CDK2: variants seen among roughly 807,000 people sequenced by gnomAD.
The protein encoded by CDK2 is cyclin-dependent kinase 2.
Under a neutral mutation model 35.0 loss-of-function variants are expected in CDK2, and 8 were observed. The ratio of observed to expected loss-of-function variants is 0.23; its 90% confidence interval spans 0.13 to 0.41. CDK2 has a LOEUF of 0.41. Among genes scored for constraint, CDK2 ranks in the 10% least tolerant of loss-of-function variants. The pLI is 1.00. For missense variants in CDK2, 201 were observed against 367.1 expected (o/e 0.55, Z 3.70); for synonymous variants, 134 against 137.7 (o/e 0.97, Z 0.19).
intron 5 of CDK2, among the ~76,000 whole-genome samples, chr12:55,970,441 C>T (rs1889443640): frequency 6.6e-6 from 1 of 151,932 alleles, no homozygotes; most frequent in Admixed American, 6.6e-5. Flanking sequence ...AGGCTGTCTT[C>T]AAATCAGCAA....
In CDK2 at chr12:55,970,562, ATTCCTC is replaced by A. The variant is rs1217147308; in HGVS notation, c.589-480_589-475del. 5.2e-5 allele frequency: 36 copies of A among 695,772 alleles called. No individual in the cohort carries two copies. In the East Asian group the frequency reaches 9.5e-4, roughly 18 times the overall value. The allele number at this position is 695,772 out of a possible 1,614,324, so 43.1% of individuals were successfully genotyped here. ...AGTGCATTACCTTACAATTGTCCGT[ATTCCTC>A]TCTCAATTCATCAAAAAATATTTGT... On this transcript the variant is annotated intron_variant, in intron 5 of 6. Transcript: ENST00000266970.
At position 55,966,962 on chromosome 12, in the gene CDK2, C is replaced by T. The variant is rs1336280185; in HGVS notation, c.-47C>T. The T allele has an allele frequency of 6.8e-7, 1 of 1,477,658 alleles. No individual in the cohort carries two copies. The highest frequency in any genetic ancestry group is 9.3e-7 in the Non-Finnish European group (1 of 1,073,032). 91.5% of individuals were successfully genotyped at this position (1,477,658 alleles called of 1,614,324 possible). On this transcript the variant is annotated 5_prime_UTR_variant, in exon 1 of 7. Coordinates refer to ENST00000266970, the MANE Select transcript of CDK2 (RefSeq NM_001798.5). ...CCAGGGTCCGCCTTCTGCAGGGTTC[C>T]CAGGCCCCCGCTCCAGGGCCGGGCT...
chr12:55,969,436 C>A, intron 4 of CDK2, 39 bp from the exon 5 acceptor site: 1 of 1,195,256 alleles, frequency 8.4e-7, no homozygotes, highest in Non-Finnish European at 1.2e-6. Flanking sequence ...TTTCCATACC[C>A]TATAAACCAC....
Position 55,971,150 on chromosome 12 carries a change from C to T in CDK2, c.695C>T (p.Ser232Phe). Residue 232 changes from serine to phenylalanine, a missense_variant, in exon 6 of 7, where the codon TCT (serine) becomes TTT (phenylalanine). This residue lies in a region of CDK2 where 106 missense variants were observed against 141.3 expected (regional missense o/e 0.75). Transcript: ENST00000266970. ...GAGGTGGTGTGGCCAGGAGTTACTT[C>T]TATGCCTGATTACAAGCCAAGTTTC... The part of the protein sequence containing the change: ...PDEVVWPGVT[S>F]MPDYKPSFPK... The T allele has an allele frequency of 6.2e-7, 1 of 1,614,090 alleles. No homozygotes were observed. Among genetic ancestry groups the T allele is most frequent in the Non-Finnish European group, 8.5e-7 (1 of 1,179,990 alleles).
In CDK2 at chr12:55,966,938, C is replaced by G; in HGVS notation, c.-71C>G. On this transcript the variant is annotated 5_prime_UTR_variant, in exon 1 of 7. Transcript: ENST00000266970. The stretch of plus-strand genomic sequence containing the variant: ...TTCCCCCTCCTCGGCCCCCGAGAGC[C>G]AGGGTCCGCCTTCTGCAGGGTTCCC... The G allele has an allele frequency of 4.7e-6, 6 of 1,282,414 alleles. No homozygotes were observed. Among genetic ancestry groups the G allele is most frequent in the Non-Finnish European group, 6.6e-6 (6 of 905,782 alleles). 79.4% of individuals were successfully genotyped at this position (1,282,414 alleles called of 1,614,324 possible). A position where few individuals can be genotyped will look rare whatever the true frequency, so the allele number is the denominator to read the frequency against.
rs1196369649 is a variant in CDK2 at position 55,971,588 on chromosome 12, A to G, written c.860A>G (p.Gln287Arg). 2.5e-6 allele frequency: 4 copies of G among 1,614,146 alleles called. No homozygotes were observed. The highest frequency in any genetic ancestry group is 2.2e-5 in the East Asian group (1 of 44,882). The part of the protein sequence containing the change: ...AKAALAHPFF[Q>R]DVTKPVPHLR... ...GCAGCCCTGGCTCACCCTTTCTTCCAGGATGTGACCAAGCCAGTACCCCAT... is the reference window on the plus strand; with the variant it reads ...GCAGCCCTGGCTCACCCTTTCTTCCGGGATGTGACCAAGCCAGTACCCCAT... The change falls in exon 7 of 7, where the codon CAG becomes CGG. Residue 287 changes from glutamine to arginine, a missense_variant. Gln to Arg is a conservative substitution (Grantham distance 43, BLOSUM62 1). Transcript: ENST00000266970.
chr12:55,970,624 T>G (rs1477218172), intron 5 of CDK2: 3 of 702,222 alleles, frequency 4.3e-6, no homozygotes, highest in East Asian at 2.7e-5. Flanking sequence ...AGCACCATGC[T>G]AGGTGCTGTG....
Position 55,966,872 on chromosome 12 carries a change from T to G in CDK2, c.-137T>G, listed in dbSNP as rs1889326620. 4.6e-6 allele frequency: 4 copies of G among 866,106 alleles called. No individual in the cohort carries two copies. The highest frequency in any genetic ancestry group is 2.6e-5 in the Admixed American group (1 of 38,266). 53.7% of individuals were successfully genotyped at this position (866,106 alleles called of 1,614,324 possible). A position where few individuals can be genotyped will look rare whatever the true frequency, so the allele number is the denominator to read the frequency against. ...AAATTGACAAGAGCGAGAGGTATAC[T>G]GCGTTCCATCCCGACCCGGGGCCAC... On this transcript the variant is annotated 5_prime_UTR_variant, in exon 1 of 7. Coordinates refer to ENST00000266970, the MANE Select transcript of CDK2 (RefSeq NM_001798.5).
At chr12:55,969,998 TAGGC>T (rs1410537349) in intron 5 of CDK2, 1 of 153,414 alleles carries the variant, frequency 6.5e-6, no homozygotes, top group Non-Finnish European at 1.4e-5. Flanking sequence ...ACTGCAGATT[TAGGC>T]AGGGTGCAGT....
intron 1 of CDK2, 72 bp from the exon 2 acceptor site, chr12:55,967,785 G>A (rs1724645819): frequency 3.8e-6 from 5 of 1,325,278 alleles, no homozygotes; most frequent in Non-Finnish European, 5.4e-6. Flanking sequence ...TTGGGGGAAA[G>A]AAATGACTAG....
Position 55,967,014 on chromosome 12 carries a change from G to A in CDK2, c.6G>A (p.Glu2=), listed in dbSNP as rs1365291483. 23 of 1,611,904 alleles carry A rather than the reference G, an allele frequency of 1.4e-5. No homozygotes were observed. Among genetic ancestry groups the A allele is most frequent in the Non-Finnish European group, 2.0e-5 (23 of 1,179,066 alleles). ...ACCCGACTCGCTGGCGCTTCATGGA[G>A]AACTTCCAAAAGGTGGAAAAGATCG... M[E]NFQKVEKIGE... The change falls in exon 1 of 7, where the codon GAG becomes GAA. Residue 2 remains glutamate (E), a synonymous_variant. Coordinates refer to ENST00000266970, the MANE Select transcript of CDK2 (RefSeq NM_001798.5).
intron 5 of CDK2, among the ~76,000 whole-genome samples, chr12:55,970,288 C>CAAAAAA (rs60371110): frequency 5.5e-4 from 12 of 21,868 alleles, no homozygotes; most frequent in Non-Finnish European, 8.8e-4. Context: ...GATTCCATCT[C>CAAAAAA]AAAAAAAAAA....
intron 5 of CDK2, 186 bp from the exon 6 acceptor site, chr12:55,970,858 G>A: frequency 1.4e-6 from 1 of 705,272 alleles, no homozygotes; most frequent in South Asian, 1.5e-5. Flanking sequence ...GGAAGGAGGG[G>A]GCGAGGAGAC....
At chr12:55,970,288 CAAAAAAAAAAAAAAAAAAAA>C (rs60371110) in intron 5 of CDK2, among the ~76,000 whole-genome samples, 3 of 21,842 alleles carry the variant, frequency 1.4e-4, no homozygotes, top group African/African-American at 2.4e-4. Flanking sequence ...GATTCCATCT[CAAAAAAAAAAAAAAAAAAAA>C]AAAAAAAAAG....
intron 5 of CDK2, among the ~76,000 whole-genome samples, chr12:55,970,234 G>A (rs1361120395): frequency 1.6e-5 from 2 of 128,562 alleles, no homozygotes; most frequent in Non-Finnish European, 3.1e-5. Flanking sequence ...AGGTTGCAGT[G>A]ACCAAGATTG....
chr12:55,967,563 G>C, intron 1 of CDK2: 2 of 479,326 alleles, frequency 4.2e-6, no homozygotes, highest in East Asian at 7.4e-5. Context: ...GGCCCCTCTG[G>C]GGAGGCTGGG....
chr12:55,968,519 G>C (rs1053453004), intron 3 of CDK2, among the ~76,000 whole-genome samples: 1 of 151,990 alleles, frequency 6.6e-6, no homozygotes, highest in Non-Finnish European at 1.5e-5. Context: ...TTTTAGGGCT[G>C]GATTCTTCAC....
In CDK2 at chr12:55,972,595, T is replaced by G. The variant is rs1889508339; in HGVS notation, c.*970T>G. 1.3e-5 allele frequency: 2 copies of G among 151,550 alleles called. No individual in the cohort carries two copies. The highest frequency in any genetic ancestry group is 4.8e-5 in the African/African-American group (2 of 41,304). The allele number at this position is 151,550 out of a possible 1,614,324, so 9.4% of individuals were successfully genotyped here. A position where few individuals can be genotyped will look rare whatever the true frequency, so the allele number is the denominator to read the frequency against. ...CCAATAGTAGAGTTGGCTTTTTTTT[T>G]TTTTTTTTGGTCATAGTGGGTGGAT... is the stretch of plus-strand genomic sequence containing the variant. On this transcript the variant is annotated 3_prime_UTR_variant, in exon 7 of 7. Transcript: ENST00000266970.
At chr12:55,969,218 T>C (rs1592783774) in intron 4 of CDK2, among the ~76,000 whole-genome samples, 1 of 152,016 alleles carries the variant, frequency 6.6e-6, no homozygotes, top group East Asian at 1.9e-4. Flanking sequence ...CGAGACCCCA[T>C]CTCTACAAAT....
Sources: gnomAD v4.1 joint callset for allele counts (sites outside exome capture counted in the v4.1 genomes callset) on GRCh38, gnomAD v4.1.1 for gene constraint, gnomAD v4.1.1 regional missense constraint, MANE v1.5 for transcripts, NCBI Gene and HGNC (gene_info 2026-07-23, HGNC 2026-07-21) for gene names.